PPEF2: variants seen among roughly 807,000 people sequenced by gnomAD.
The protein encoded by PPEF2 is protein phosphatase with EF-hand domain 2, also known as serine/threonine-protein phosphatase with EF-hands 2.
PPEF2 carries 84 observed loss-of-function variants against 84.7 expected under a neutral mutation model. That is an observed-to-expected ratio of 0.99 (90% CI 0.83 to 1.19). The LOEUF (loss-of-function observed/expected upper bound fraction) is 1.19. Ranked by LOEUF, PPEF2 falls within the 50% of genes most tolerant of loss-of-function variation. PPEF2 has a pLI of 0.00. For missense variants in PPEF2, 924 were observed against 937.5 expected, an observed-to-expected ratio of 0.99 and a Z score of 0.19; for synonymous variants, 346 against 345.2, an observed-to-expected ratio of 1.00 and a Z score of -0.03.
At chr4:75,893,486 T>TCACACA (rs1724937434) in intron 2 of PPEF2, among the ~76,000 whole-genome samples, 1 of 62,706 alleles carries the variant, frequency 1.6e-5, no homozygotes, top group Non-Finnish European at 3.0e-5. Context: ...CTAGAGACTC[T>TCACACA]GACACACACA....
chr4:75,869,854 G>A (rs201765482), intron 13 of PPEF2, among the ~76,000 whole-genome samples: 3 of 149,892 alleles, frequency 2.0e-5, no homozygotes, highest in Non-Finnish European at 4.4e-5. Context: ...CTCACAAAAA[G>A]AAAAAAAAAA....
At chr4:75,891,018 AC>A (rs1266761275) in intron 4 of PPEF2, among the ~76,000 whole-genome samples, 1 of 152,024 alleles carries the variant, frequency 6.6e-6, no homozygotes, top group Non-Finnish European at 1.5e-5. Flanking sequence ...GCCCATCTCT[AC>A]TAAACATATA....
intron 10 of PPEF2, among the ~76,000 whole-genome samples, chr4:75,877,318 C>G (rs1203100112): frequency 5.6e-5 from 8 of 142,968 alleles, no homozygotes; most frequent in Non-Finnish European, 1.2e-4. Flanking sequence ...GCCTGGGCAA[C>G]AAGAGTGAAA....
chr4:75,860,968 T>C (rs1242299901), intron 16 of PPEF2, 48 bp from the exon 17 acceptor site: 2 of 1,591,974 alleles, frequency 1.3e-6, no homozygotes, highest in Admixed American at 1.7e-5. Flanking sequence ...TAGTTTTTAA[T>C]GTTCATTTTC....
intron 15 of PPEF2, among the ~76,000 whole-genome samples, chr4:75,865,081 C>T (rs546845807): frequency 6.7e-4 from 102 of 151,918 alleles, no homozygotes; most frequent in South Asian, 2.9e-3. Flanking sequence ...GGATTACAGA[C>T]ATGCACCACC....
intron 13 of PPEF2, among the ~76,000 whole-genome samples, chr4:75,870,332 C>T (rs1724236233): frequency 6.6e-6 from 1 of 152,172 alleles, no homozygotes; most frequent in Non-Finnish European, 1.5e-5. Flanking sequence ...CACAGTAGGT[C>T]TGACATTCAC....
At chr4:75,891,347 C>T (rs552649184) in intron 4 of PPEF2, among the ~76,000 whole-genome samples, 11 of 152,218 alleles carry the variant, frequency 7.2e-5, no homozygotes, top group African/African-American at 2.2e-4. Context: ...GCACTGTTTC[C>T]TAGGCACACT....
chr4:75,872,350 G>C (rs1184318679), intron 12 of PPEF2, among the ~76,000 whole-genome samples, 183 bp from the exon 13 acceptor site: 1 of 152,036 alleles, frequency 6.6e-6, no homozygotes, highest in Non-Finnish European at 1.5e-5. Flanking sequence ...GGCAAGAGTT[G>C]TGACTCAAGT....
At chr4:75,888,535 C>G (rs947261166) in intron 5 of PPEF2, among the ~76,000 whole-genome samples, 1 of 152,168 alleles carries the variant, frequency 6.6e-6, no homozygotes, top group African/African-American at 2.4e-5. Context: ...ACTTGCCCCC[C>G]CTGCAAATAT....
chr4:75,871,918 G>A, intron 13 of PPEF2, 107 bp downstream of exon 13: 4 of 1,267,804 alleles, frequency 3.2e-6, no homozygotes, highest in Non-Finnish European at 4.3e-6. Flanking sequence ...GCCAAATTCT[G>A]AATTCTCACG....
rs1724423238 is a variant in PPEF2 at position 75,876,597 on chromosome 4, T to G, written c.1010A>C (p.Lys337Thr). 6.2e-7 allele frequency: 1 copy of G among 1,610,888 alleles called. No homozygotes were observed. Among genetic ancestry groups the G allele is most frequent in the Non-Finnish European group, 8.5e-7 (1 of 1,178,428 alleles). Reference protein sequence around the residue: ...QMEEKRRANQKSSAQGPIPWF... With the variant: ...QMEEKRRANQTSSAQGPIPWF... ...TGGGATGGGTCCCTGTGCAGAGCTC[T>G]TCTGGTTGGCTCTTCTCTTCTCCTC... Residue 337 changes from lysine (K) to threonine (T), a missense_variant, in exon 11 of 17, where the codon AAG (lysine) becomes ACG (threonine). By Grantham distance (78) the Lys-to-Thr change is moderately conservative (BLOSUM62 -1). Transcript: ENST00000286719.
chr4:75,866,304 T>G lies in PPEF2; in HGVS notation c.1805A>C (p.His602Pro). ...CAGCATCCGCCATGGCAGTCCTAGG[T>G]GCAACACAGACTCCACCGCTGCTGC... ...DWAAAVESVL[H>P]LGLPWRMLRP... is the part of the protein sequence containing the mutation. Residue 602 changes from histidine to proline, a missense_variant, in exon 15 of 17, where the codon CAC (histidine) becomes CCC (proline). By Grantham distance (77) the His-to-Pro change is moderately conservative. Transcript: ENST00000286719. The G allele has an allele frequency of 8.1e-6, 13 of 1,614,130 alleles. No individual in the cohort carries two copies. Among genetic ancestry groups the G allele is most frequent in the Admixed American group, 6.7e-5 (4 of 60,008 alleles).
Position 75,891,795 on chromosome 4 carries a change from G to A in PPEF2, c.183+56C>T, listed in dbSNP as rs980030075. On this transcript the variant is annotated intron_variant, in intron 3 of 16. Coordinates refer to ENST00000286719, the MANE Select transcript of PPEF2 (RefSeq NM_006239.3). ...AGTTGGCCTCACTTTAGGAGCACCCGAGCCCTGCTGCCCAAGGGAGAGCAG... is the reference window on the plus strand; with the variant it reads ...AGTTGGCCTCACTTTAGGAGCACCCAAGCCCTGCTGCCCAAGGGAGAGCAG... 1.8e-5 allele frequency: 29 copies of A among 1,597,904 alleles called. No homozygotes were observed. In the African/African-American group the frequency reaches 2.0e-4, roughly 11 times the overall value.
At chr4:75,884,825 C>T (rs1566975) in intron 7 of PPEF2, 65 bp from the exon 8 acceptor site, 1,351,251 of 1,403,424 alleles carry the variant, frequency 0.96, 656,167 homozygotes, top group East Asian at 1. Flanking sequence ...CAGGTTAAAA[C>T]CAATAGGCAT....
rs762043966 is a variant in PPEF2 at position 75,891,994 on chromosome 4, A to T, written c.56-16T>A. Reference sequence around the variant, plus strand: ...GCCTTGAAGGCTATGACACCGATGGAGAAGCAAGCCTGTGAGCTCGGACTC... The same window carrying T: ...GCCTTGAAGGCTATGACACCGATGGTGAAGCAAGCCTGTGAGCTCGGACTC... On this transcript the variant is annotated splice_polypyrimidine_tract_variant and intron_variant, in intron 2 of 16. Coordinates refer to ENST00000286719, the MANE Select transcript of PPEF2 (RefSeq NM_006239.3). 6.2e-7 allele frequency: 1 copy of T among 1,609,202 alleles called. No homozygotes were observed. The highest frequency in any genetic ancestry group is 8.5e-7 in the Non-Finnish European group (1 of 1,175,990).
Position 75,876,272 on chromosome 4 carries a change from C to A in PPEF2, c.1320+15G>T. 6.3e-7 allele frequency: 1 copy of A among 1,575,136 alleles called. No individual in the cohort carries two copies. The highest frequency in any genetic ancestry group is 1.2e-5 in the South Asian group (1 of 85,164). On this transcript the variant is annotated intron_variant, in intron 11 of 16. Transcript: ENST00000286719. Reference sequence around the variant, plus strand: ...GGCAGCCACATGCTAGGAAGCAGCGCCTGGCCACGCTCACCTGCCTCCACT... The same window carrying A: ...GGCAGCCACATGCTAGGAAGCAGCGACTGGCCACGCTCACCTGCCTCCACT...
At chr4:75,888,127 CAG>C in intron 6 of PPEF2, 85 bp downstream of exon 6, 1 of 1,034,862 alleles carries the variant, frequency 9.7e-7, no homozygotes, top group Admixed American at 1.8e-5. Flanking sequence ...CATCTCCCTG[CAG>C]CCCGCCACTC....
At chr4:75,891,561 G>GGTTTCACTCCCTGTGCATCCCCCACC in intron 4 of PPEF2, 87 bp downstream of exon 4, 1 of 1,411,322 alleles carries the variant, frequency 7.1e-7, no homozygotes, top group Non-Finnish European at 9.5e-7. Flanking sequence ...CCAGATTCAC[G>GGTTTCACTCCCTGTGCATCCCCCACC]GTTTCACTCC....
intron 7 of PPEF2, among the ~76,000 whole-genome samples, chr4:75,886,294 C>T (rs1724721387): frequency 1.3e-5 from 2 of 152,330 alleles, no homozygotes; most frequent in Non-Finnish European, 2.9e-5. Flanking sequence ...CTCCTGCCAT[C>T]CCCGCCGGCC....
Sources: gnomAD v4.1 joint callset for allele counts (sites outside exome capture counted in the v4.1 genomes callset) on GRCh38, gnomAD v4.1.1 for gene constraint, MANE v1.5 for transcripts, NCBI Gene and HGNC (gene_info 2026-07-23, HGNC 2026-07-21) for gene names.